The following VPS13B variants were observed in gnomAD, a reference collection of about 807,000 sequenced individuals.
VPS13B encodes intermembrane lipid transfer protein VPS13B.
A neutral mutation model predicts 426.4 loss-of-function variants in VPS13B; 285 were observed. That is an observed-to-expected ratio of 0.67 (90% CI 0.61 to 0.74). VPS13B has a LOEUF of 0.74. Among genes scored for constraint, VPS13B ranks in the 30% least tolerant of loss-of-function variants. The pLI, the probability that VPS13B is intolerant of heterozygous loss-of-function variation, is 0.00. For missense variants in VPS13B, 4,537 were observed against 4,782.6 expected (o/e 0.95, Z 1.51); for synonymous variants, 1,676 against 1,676.4 (o/e 1.00, Z 0.01).
intron 17 of VPS13B, among the ~76,000 whole-genome samples, chr8:99,251,450 A>C (rs1817506265): frequency 6.6e-6 from 1 of 152,000 alleles, no homozygotes; most frequent in African/African-American, 2.4e-5. Context: ...TAGCCTGTTC[A>C]TATGGTGGAT....
In VPS13B at chr8:99,717,285, A is replaced by G; in HGVS notation, c.6569A>G (p.Glu2190Gly). 12 of 1,614,136 alleles carry G rather than the reference A, an allele frequency of 7.4e-6. No individual in the cohort carries two copies. The highest frequency in any genetic ancestry group is 1.0e-5 in the Non-Finnish European group (12 of 1,179,998). The change falls in exon 37 of 62, where the codon GAA becomes GGA. Residue 2190 changes from glutamate (E) to glycine (G), a missense_variant. Glu to Gly is a moderately conservative substitution (Grantham distance 98, BLOSUM62 -2). Coordinates refer to ENST00000357162, the MANE Select transcript of VPS13B (RefSeq NM_152564.5). ...CCATGTTGTGCTACTGCCAATCTGG[A>G]AGCTAAGTGGTGTAAACACAGCGGG... ...IGPCCATANLEAKWCKHSGNP... is the reference protein window; with the variant it reads ...IGPCCATANLGAKWCKHSGNP...
At chr8:99,143,856 T>A (rs553546344) in intron 13 of VPS13B, among the ~76,000 whole-genome samples, 1 of 152,352 alleles carries the variant, frequency 6.6e-6, no homozygotes, top group Non-Finnish European at 1.5e-5. Context: ...ATATCCATCC[T>A]TTTTCATAGT....
intron 2 of VPS13B, among the ~76,000 whole-genome samples, chr8:99,029,615 A>C (rs559915032): frequency 1.3e-5 from 2 of 152,222 alleles, no homozygotes; most frequent in African/African-American, 4.8e-5. Flanking sequence ...CCACCAAAAA[A>C]AAAAACGAAA....
At chr8:99,546,307 G>GC (rs1325790560) in intron 30 of VPS13B, among the ~76,000 whole-genome samples, 7 of 150,736 alleles carry the variant, frequency 4.6e-5, no homozygotes, top group Non-Finnish European at 1.5e-5. Context: ...CTAATCTGTT[G>GC]CCTTGGAATT....
At chr8:99,372,448 A>G (rs1365377250) in intron 19 of VPS13B, among the ~76,000 whole-genome samples, 1 of 152,224 alleles carries the variant, frequency 6.6e-6, no homozygotes, top group African/African-American at 2.4e-5. Context: ...TCTACAAGGA[A>G]CTTAAACACA....
At chr8:99,748,402 T>G (rs1810205250) in intron 39 of VPS13B, among the ~76,000 whole-genome samples, 1 of 152,096 alleles carries the variant, frequency 6.6e-6, no homozygotes, top group African/African-American at 2.4e-5. Context: ...GAGAGGCTTC[T>G]TTGTTCCCTT....
intron 3 of VPS13B, among the ~76,000 whole-genome samples, chr8:99,039,478 T>C (rs1468324121): frequency 6.6e-6 from 1 of 152,014 alleles, no homozygotes; most frequent in African/African-American, 2.4e-5. Flanking sequence ...GACCATAGCT[T>C]ATTGTGGAGA....
chr8:99,311,991 C>A (rs1821006319), intron 19 of VPS13B, among the ~76,000 whole-genome samples: 2 of 152,148 alleles, frequency 1.3e-5, no homozygotes, highest in African/African-American at 4.8e-5. Flanking sequence ...GCTAGGATTT[C>A]AACCCCTGCC....
intron 19 of VPS13B, among the ~76,000 whole-genome samples, chr8:99,354,488 TG>T (rs1812076742): frequency 6.6e-6 from 1 of 151,656 alleles, no homozygotes. Context: ...GTTCTAAAAC[TG>T]CATAAAATTT....
At chr8:99,053,926 A>G (rs1174818844) in intron 3 of VPS13B, among the ~76,000 whole-genome samples, 1 of 150,872 alleles carries the variant, frequency 6.6e-6, no homozygotes, top group Non-Finnish European at 1.5e-5. Flanking sequence ...CTGATCTCAA[A>G]CTCCTGGCCT....
At chr8:99,777,022 C>G in intron 41 of VPS13B, 66 bp downstream of exon 41, 1 of 1,542,166 alleles carries the variant, frequency 6.5e-7, no homozygotes, top group South Asian at 1.1e-5. Context: ...TGAGTGTTTT[C>G]AAAAGAGAAG....
chr8:99,234,794 T>C (rs113845708), intron 17 of VPS13B, among the ~76,000 whole-genome samples: 217 of 152,350 alleles, frequency 1.4e-3, no homozygotes, highest in African/African-American at 4.9e-3. Flanking sequence ...CATTTTCTAT[T>C]TAATTGCAAC....
intron 3 of VPS13B, among the ~76,000 whole-genome samples, chr8:99,088,106 C>T (rs1845938735): frequency 6.6e-6 from 1 of 151,428 alleles, no homozygotes. Flanking sequence ...ATTGCTTGAA[C>T]CCCCGAGGCA....
rs1385965836 is a variant in VPS13B at position 99,038,708 on chromosome 8, G to C, written c.291+142G>C. ...TTTTTTTTTTTTTTTTTTTTTTTGA[G>C]ATAGAGTCTTGCTCTGTTGCCAGGC... On this transcript the variant is annotated intron_variant, in intron 3 of 61. Transcript: ENST00000357162. The C allele has an allele frequency of 9.2e-6, 5 of 543,138 alleles. No individual in the cohort carries two copies. The East Asian group carries it at 1.8e-4, about 19-fold the overall frequency. The allele number at this position is 543,138 out of a possible 1,614,324, so 33.6% of individuals were successfully genotyped here.
intron 19 of VPS13B, among the ~76,000 whole-genome samples, chr8:99,291,912 C>T (rs530406661): frequency 6.6e-6 from 1 of 152,056 alleles, no homozygotes; most frequent in East Asian, 1.9e-4. Context: ...GTGTTTAGTA[C>T]ATATTTGTGG....
intron 19 of VPS13B, among the ~76,000 whole-genome samples, chr8:99,311,609 A>T (rs545198081): frequency 6.6e-6 from 1 of 152,176 alleles, no homozygotes. Context: ...CAATTTTGGA[A>T]TAAGTGTGCT....
intron 12 of VPS13B, among the ~76,000 whole-genome samples, chr8:99,139,283 G>T (rs565862703): frequency 6.6e-6 from 1 of 151,974 alleles, no homozygotes; most frequent in Non-Finnish European, 1.5e-5. Context: ...CCACTGTCTT[G>T]CTTTTGGTTT....
At chr8:99,300,879 AG>A (rs1820322380) in intron 19 of VPS13B, among the ~76,000 whole-genome samples, 1 of 140,320 alleles carries the variant, frequency 7.1e-6, no homozygotes, top group Non-Finnish European at 1.6e-5. Flanking sequence ...TATTTAATAT[AG>A]TTTTTTTTTT....
intron 36 of VPS13B, among the ~76,000 whole-genome samples, chr8:99,707,569 T>TA (rs2130245210): frequency 6.6e-6 from 1 of 152,320 alleles, no homozygotes; most frequent in South Asian, 2.1e-4. Context: ...ATTAGATAAC[T>TA]AACTATACCA....
Sources: allele counts gnomAD v4.1 joint callset (sites outside exome capture counted in the v4.1 genomes callset), GRCh38; gene constraint gnomAD v4.1.1; transcripts MANE v1.5; gene names NCBI Gene and HGNC (gene_info 2026-07-23, HGNC 2026-07-21).